SLC4A5: variants seen among roughly 807,000 people sequenced by gnomAD.
SLC4A5 encodes solute carrier family 4 member 5, also known as electrogenic sodium bicarbonate cotransporter 4.
A neutral mutation model predicts 120.4 loss-of-function variants in SLC4A5; 96 were observed. That is an observed-to-expected ratio of 0.80 (90% CI 0.68 to 0.94). The LOEUF (loss-of-function observed/expected upper bound fraction) is 0.94. Ranked by LOEUF, SLC4A5 falls within the 40% of genes least tolerant of loss-of-function variation. SLC4A5 has a pLI of 0.00. For missense variants in SLC4A5, 1,259 were observed against 1,459.5 expected (o/e 0.86, Z 2.24); for synonymous variants, 550 against 571.1 (o/e 0.96, Z 0.53).
At chr2:74,285,817 A>G in exon 8 of SLC4A5, 2 of 1,612,596 alleles carry the variant, frequency 1.2e-6, no homozygotes, top group Non-Finnish European at 1.7e-6. Context: ...CATGCTGCAG[A>G]GTATCCATCT....
At chr2:74,276,006 T>C (rs1671627057) in intron 8 of SLC4A5, among the ~76,000 whole-genome samples, 1 of 152,202 alleles carries the variant, frequency 6.6e-6, no homozygotes, top group Non-Finnish European at 1.5e-5. Context: ...TTATACCAGA[T>C]TGGGGTTGAA....
chr2:74,225,250 G>T (rs1694803278), intron 27 of SLC4A5, among the ~76,000 whole-genome samples: 1 of 152,208 alleles, frequency 6.6e-6, no homozygotes, highest in African/African-American at 2.4e-5. Context: ...GACAGCCGAA[G>T]TGGGGAGCCT....
At chr2:74,248,538 C>T (rs1415460672) in intron 17 of SLC4A5, 52 bp from the exon 18 acceptor site, 1 of 1,603,940 alleles carries the variant, frequency 6.2e-7, no homozygotes. Context: ...AGCGGTCTCT[C>T]CACACAGGCT....
chr2:74,249,720 G>A (rs1280209300), intron 17 of SLC4A5, among the ~76,000 whole-genome samples: 2 of 152,162 alleles, frequency 1.3e-5, no homozygotes, highest in Admixed American at 6.5e-5. Flanking sequence ...TGAACTGGGG[G>A]ATCCTGAGGG....
intron 3 of SLC4A5, among the ~76,000 whole-genome samples, chr2:74,336,196 T>C (rs1020375561): frequency 6.6e-6 from 1 of 152,032 alleles, no homozygotes; most frequent in African/African-American, 2.4e-5. Context: ...GCCTCCCAAA[T>C]ATCTGGGACT....
intron 12 of SLC4A5, 123 bp from the exon 13 acceptor site, chr2:74,256,055 G>A (rs1670955870): frequency 1.9e-6 from 2 of 1,076,094 alleles, no homozygotes; most frequent in Non-Finnish European, 2.7e-6. Flanking sequence ...CCAAGAGACT[G>A]AAAGAATAAA....
chr2:74,265,705 C>A (rs556172502), intron 8 of SLC4A5, among the ~76,000 whole-genome samples: 8 of 152,268 alleles, frequency 5.3e-5, no homozygotes, highest in African/African-American at 1.9e-4. Context: ...GTGTGGTTTG[C>A]TGGGAGCAGG....
At chr2:74,293,556 AGGGCT>A (rs1192607725) in intron 7 of SLC4A5, among the ~76,000 whole-genome samples, 1 of 152,166 alleles carries the variant, frequency 6.6e-6, no homozygotes, top group Non-Finnish European at 1.5e-5. Context: ...AGAGGCAGAA[AGGGCT>A]GGGCTGCAAA....
intron 7 of SLC4A5, among the ~76,000 whole-genome samples, chr2:74,302,199 C>T (rs1440161204): frequency 6.6e-6 from 1 of 152,182 alleles, no homozygotes; most frequent in African/African-American, 2.4e-5. Context: ...AATTCCCTGT[C>T]CTCCTAGGCT....
At chr2:74,247,759 C>T (rs1157008556) in intron 18 of SLC4A5, among the ~76,000 whole-genome samples, 1 of 152,094 alleles carries the variant, frequency 6.6e-6, no homozygotes, top group Non-Finnish European at 1.5e-5. Context: ...AGGTGATCCG[C>T]CCGCCCCAGC....
chr2:74,329,996 G>A (rs535283387), intron 4 of SLC4A5, among the ~76,000 whole-genome samples: 2 of 151,670 alleles, frequency 1.3e-5, no homozygotes, highest in Admixed American at 1.3e-4. Flanking sequence ...GAGGTATGAG[G>A]TATACATGGT....
chr2:74,287,111 G>T (rs1351740386), intron 7 of SLC4A5, among the ~76,000 whole-genome samples: 3 of 152,092 alleles, frequency 2.0e-5, no homozygotes, highest in African/African-American at 7.2e-5. Flanking sequence ...GCCTCATCAG[G>T]TCTTCCCTTC....
chr2:74,302,922 T>C (rs949187435), intron 7 of SLC4A5, among the ~76,000 whole-genome samples: 40 of 152,142 alleles, frequency 2.6e-4, no homozygotes, highest in Non-Finnish European at 5.7e-4. Context: ...CATGTCAGTA[T>C]GTGTGAGGCA....
chr2:74,260,856 C>G (rs1195188450), intron 11 of SLC4A5, among the ~76,000 whole-genome samples: 4 of 152,220 alleles, frequency 2.6e-5, no homozygotes, highest in African/African-American at 9.6e-5. Context: ...GGTTCTTTTG[C>G]TGGGTGCACA....
intron 6 of SLC4A5, among the ~76,000 whole-genome samples, chr2:74,309,713 T>C (rs1672750702): frequency 6.6e-6 from 1 of 151,674 alleles, no homozygotes; most frequent in South Asian, 2.1e-4. Context: ...TGAAGTGTAG[T>C]GGCGCCATCT....
At chr2:74,332,572 A>G (rs1286212616) in intron 4 of SLC4A5, among the ~76,000 whole-genome samples, 1 of 151,968 alleles carries the variant, frequency 6.6e-6, no homozygotes, top group East Asian at 1.9e-4. Flanking sequence ...TGCCCTGCCA[A>G]TCTCTTGGGC....
intron 19 of SLC4A5, among the ~76,000 whole-genome samples, chr2:74,244,103 T>TC (rs1670531378): frequency 6.6e-6 from 1 of 152,194 alleles, no homozygotes; most frequent in East Asian, 1.9e-4. Flanking sequence ...TCCACAGTTC[T>TC]CCCCCCTCAT....
At chr2:74,308,552 C>G (rs185975505) in intron 6 of SLC4A5, among the ~76,000 whole-genome samples, 12 of 152,238 alleles carry the variant, frequency 7.9e-5, no homozygotes, top group African/African-American at 2.6e-4. Flanking sequence ...TATCTTTTGT[C>G]CATTATTAAA....
chr2:74,310,953 A>G (rs1459271695), intron 6 of SLC4A5, among the ~76,000 whole-genome samples: 1 of 144,072 alleles, frequency 6.9e-6, no homozygotes, highest in Non-Finnish European at 1.5e-5. Flanking sequence ...TTTTTTTGGT[A>G]AGTTGTTAAT....
Sources: gnomAD v4.1 joint callset for allele counts (sites outside exome capture counted in the v4.1 genomes callset) on GRCh38, gnomAD v4.1.1 for gene constraint, MANE v1.5 for transcripts, NCBI Gene and HGNC (gene_info 2026-07-23, HGNC 2026-07-21) for gene names.